TMIGD3: variants seen among roughly 807,000 people sequenced by gnomAD.
TMIGD3 encodes the protein AD026 protein (AD026).
In TMIGD3, 21 loss-of-function variants were observed where a neutral mutation model predicts 28.1. That is an observed-to-expected ratio of 0.75 (90% CI 0.53 to 1.08). The LOEUF is 1.08. Among genes scored for constraint, TMIGD3 ranks in the 50% least tolerant of loss-of-function variants. The pLI is 0.00. For synonymous variants in TMIGD3, 151 were observed against 162.1 expected (o/e 0.93, Z 0.52); for missense variants, 416 against 435.6 (o/e 0.96, Z 0.40).
intron 1 of TMIGD3, among the ~76,000 whole-genome samples, chr1:111,513,833 T>C (rs558831865): frequency 6.6e-6 from 1 of 152,296 alleles, no homozygotes; most frequent in East Asian, 1.9e-4. Context: ...AGCTGTTGTT[T>C]CTGAGCAAAT....
At chr1:111,515,485 G>C (rs1655830952) in intron 1 of TMIGD3, among the ~76,000 whole-genome samples, 1 of 152,280 alleles carries the variant, frequency 6.6e-6, no homozygotes, top group Admixed American at 6.5e-5. Context: ...ATGGGAGTTG[G>C]GGACGCTGCC....
chr1:111,522,082 T>C (rs1656082112), intron 1 of TMIGD3, among the ~76,000 whole-genome samples: 1 of 152,232 alleles, frequency 6.6e-6, no homozygotes, highest in African/African-American at 2.4e-5. Flanking sequence ...ATGGGTTTAT[T>C]TCCATTTTTG....
intron 1 of TMIGD3, among the ~76,000 whole-genome samples, chr1:111,538,714 T>G (rs1237177495): frequency 1.3e-5 from 2 of 152,194 alleles, no homozygotes; most frequent in African/African-American, 4.8e-5. Context: ...ATAAAGCATG[T>G]TTCCATCTAA....
intron 1 of TMIGD3, among the ~76,000 whole-genome samples, chr1:111,512,169 T>C (rs530743818): frequency 7.9e-5 from 12 of 152,260 alleles, no homozygotes; most frequent in Non-Finnish European, 1.6e-4. Context: ...CCTTTGCCAG[T>C]TGGCCAGTCA....
chr1:111,514,353 T>G (rs1323941352), intron 1 of TMIGD3, among the ~76,000 whole-genome samples: 1 of 152,080 alleles, frequency 6.6e-6, no homozygotes, highest in Non-Finnish European at 1.5e-5. Context: ...AAGACCAGCA[T>G]AAGCAACATA....
At chr1:111,507,037 GTGTATATATA>G (rs777931057), upstream of TMIGD3, among the ~76,000 whole-genome samples, 333 of 48,594 alleles carry the variant, frequency 6.9e-3, 1 homozygote, top group Middle Eastern at 0.019. Flanking sequence ...GTGTGTGTGT[GTGTATATATA>G]TATATATATA....
At chr1:111,509,657 C>T (rs1026235365) in intron 1 of TMIGD3, among the ~76,000 whole-genome samples, 5 of 152,212 alleles carry the variant, frequency 3.3e-5, no homozygotes, top group Non-Finnish European at 4.4e-5. Flanking sequence ...GCAAACCTTA[C>T]CGCCACAGTG....
chr1:111,519,999 T>G (rs1656001895), intron 1 of TMIGD3, among the ~76,000 whole-genome samples: 1 of 152,192 alleles, frequency 6.6e-6, no homozygotes, highest in Admixed American at 6.5e-5. Flanking sequence ...GGCTGCCTTT[T>G]TCTCTTCTTT....
intron 1 of TMIGD3, among the ~76,000 whole-genome samples, chr1:111,493,484 C>T (rs1394668220): frequency 6.6e-6 from 1 of 152,162 alleles, no homozygotes; most frequent in East Asian, 1.9e-4. Context: ...ACACCAGAAG[C>T]CAAACAGGTC....
At chr1:111,488,466 G>A (rs765680948) in intron 3 of TMIGD3, among the ~76,000 whole-genome samples, 17 of 152,192 alleles carry the variant, frequency 1.1e-4, no homozygotes, top group African/African-American at 1.4e-4. Context: ...GCCCCAGGGC[G>A]CAGACACCCT....
At chr1:111,484,904 T>C (rs748537919) in intron 5 of TMIGD3, among the ~76,000 whole-genome samples, 9 of 152,222 alleles carry the variant, frequency 5.9e-5, no homozygotes, top group Non-Finnish European at 1.2e-4. Flanking sequence ...GTGGCAACTG[T>C]GCAATGTTCT....
intron 1 of TMIGD3, among the ~76,000 whole-genome samples, chr1:111,515,193 G>C (rs550259388): frequency 1.1e-4 from 17 of 152,320 alleles, no homozygotes; most frequent in Non-Finnish European, 2.5e-4. Flanking sequence ...AATCTCTAGA[G>C]TGAGACCTAG....
intron 1 of TMIGD3, chr1:111,501,501 C>T (rs991129362): frequency 1.3e-5 from 2 of 152,116 alleles, no homozygotes; most frequent in African/African-American, 4.8e-5. Flanking sequence ...GTAATGATAG[C>T]CACCATTTAT....
At chr1:111,562,951 T>C (rs532710808) in intron 1 of TMIGD3, among the ~76,000 whole-genome samples, 27 of 152,370 alleles carry the variant, frequency 1.8e-4, no homozygotes, top group Non-Finnish European at 3.5e-4. Context: ...TACCAGGTAC[T>C]GGGTTAAGAA....
At chr1:111,512,296 C>T (rs1170155566) in intron 1 of TMIGD3, among the ~76,000 whole-genome samples, 3 of 152,256 alleles carry the variant, frequency 2.0e-5, no homozygotes, top group Non-Finnish European at 4.4e-5. Context: ...TGAGACACAG[C>T]CACCTGTGCG....
chr1:111,530,303 C>A (rs560498071), intron 1 of TMIGD3, among the ~76,000 whole-genome samples: 5 of 152,178 alleles, frequency 3.3e-5, no homozygotes, highest in African/African-American at 9.6e-5. Context: ...ATGTTATAAA[C>A]CTTCCAATAT....
upstream of TMIGD3, chr1:111,504,067 G>C: frequency 1.0e-6 from 1 of 985,442 alleles, no homozygotes; most frequent in African/African-American, 1.7e-5. Flanking sequence ...CTAAGTTCTT[G>C]CACGAGTTGA....
In TMIGD3 at chr1:111,495,889, T is replaced by C. The variant is rs1006427556; in HGVS notation, c.351-5127A>G. ...TGGAGCTGGAGGCCATTATCCTTAGTAAACTAATGCAGTAACAAAAAAACA... is the reference window on the plus strand; with the variant it reads ...TGGAGCTGGAGGCCATTATCCTTAGCAAACTAATGCAGTAACAAAAAAACA... On this transcript the variant is annotated intron_variant, in intron 1 of 5. Transcript: ENST00000369716. 5.3e-5 allele frequency among the ~76,000 whole-genome samples: 8 copies of C among 152,308 alleles called. No homozygotes were observed. In the East Asian group the frequency reaches 1.5e-3, roughly 29 times the overall value.
intron 1 of TMIGD3, among the ~76,000 whole-genome samples, chr1:111,492,644 T>C (rs951720210): frequency 1.1e-4 from 16 of 151,870 alleles, no homozygotes; most frequent in African/African-American, 3.4e-4. Context: ...TGAAACCCCA[T>C]CTCTACTATA....
Sources: allele counts gnomAD v4.1 joint callset (sites outside exome capture counted in the v4.1 genomes callset), GRCh38; gene constraint gnomAD v4.1.1; transcripts MANE v1.5; gene names NCBI Gene and HGNC (gene_info 2026-07-23, HGNC 2026-07-21).